Variants in AUTS2 observed in about 807,000 individuals in gnomAD.
AUTS2 encodes the protein autism susceptibility gene 2 protein.
Under a neutral mutation model 112.4 loss-of-function variants are expected in AUTS2, and 17 were observed. That is an observed-to-expected ratio of 0.15 (90% CI 0.10 to 0.23). The LOEUF (loss-of-function observed/expected upper bound fraction) is 0.23. AUTS2 is among the 10% of genes least tolerant of loss of function. AUTS2 has a pLI of 1.00. For synonymous variants in AUTS2, 751 were observed against 702.7 expected (o/e 1.07, Z -1.09); for missense variants, 1,510 against 1,701.6 (o/e 0.89, Z 1.98).
intron 2 of AUTS2, among the ~76,000 whole-genome samples, chr7:70,018,587 G>C (rs752544623): frequency 6.6e-6 from 1 of 152,074 alleles, no homozygotes; most frequent in African/African-American, 2.4e-5. Context: ...AAGAGATCCC[G>C]GTTATACAAC....
intron 1 of AUTS2, among the ~76,000 whole-genome samples, chr7:69,708,396 G>A (rs1798161644): frequency 6.6e-6 from 1 of 152,196 alleles, no homozygotes; most frequent in African/African-American, 2.4e-5. Context: ...CTGATGGTGG[G>A]ATTATGATGT....
At chr7:70,526,500 C>T (rs1319791999) in intron 5 of AUTS2, among the ~76,000 whole-genome samples, 1 of 152,068 alleles carries the variant, frequency 6.6e-6, no homozygotes, top group Non-Finnish European at 1.5e-5. Flanking sequence ...GGTGAAACCC[C>T]ATCTCTACTA....
At chr7:70,089,662 C>T (rs1803805448) in intron 2 of AUTS2, among the ~76,000 whole-genome samples, 1 of 151,702 alleles carries the variant, frequency 6.6e-6, no homozygotes, top group Non-Finnish European at 1.5e-5. Context: ...TCCTATGTTC[C>T]TCTGTATTCT....
At chr7:70,318,814 C>T (rs572808246) in intron 4 of AUTS2, among the ~76,000 whole-genome samples, 1 of 152,300 alleles carries the variant, frequency 6.6e-6, no homozygotes, top group East Asian at 1.9e-4. Context: ...CTCATTACAA[C>T]ATTTTACTAC....
intron 1 of AUTS2, among the ~76,000 whole-genome samples, chr7:69,813,069 A>G (rs984201106): frequency 6.6e-6 from 1 of 152,190 alleles, no homozygotes; most frequent in Non-Finnish European, 1.5e-5. Context: ...CCTACAAGAC[A>G]CTGCACGGTC....
intron 4 of AUTS2, among the ~76,000 whole-genome samples, chr7:70,329,521 A>G (rs1790648665): frequency 6.6e-6 from 1 of 151,752 alleles, no homozygotes. Flanking sequence ...CATTTTCTTG[A>G]CCAATGATGT....
chr7:70,526,265 G>T (rs1009049519), intron 5 of AUTS2, among the ~76,000 whole-genome samples: 3 of 152,174 alleles, frequency 2.0e-5, no homozygotes, highest in African/African-American at 7.2e-5. Flanking sequence ...ACAGATCTCT[G>T]CTCACTGTTG....
chr7:69,781,080 G>A (rs1415030217), intron 1 of AUTS2, among the ~76,000 whole-genome samples: 2 of 152,190 alleles, frequency 1.3e-5, no homozygotes, highest in African/African-American at 4.8e-5. Context: ...TTCACAGTTA[G>A]CAGTGATGCT....
chr7:70,375,819 T>C (rs532281153), intron 4 of AUTS2, among the ~76,000 whole-genome samples: 1 of 152,262 alleles, frequency 6.6e-6, no homozygotes, highest in South Asian at 2.1e-4. Context: ...AACTTGTGCC[T>C]ACCTAAGTCT....
intron 4 of AUTS2, among the ~76,000 whole-genome samples, chr7:70,393,508 A>G (rs1354488634): frequency 6.6e-6 from 1 of 151,862 alleles, no homozygotes; most frequent in Non-Finnish European, 1.5e-5. Context: ...TCTGAACCAA[A>G]GAGAGAGCCT....
chr7:69,770,549 G>A (rs537857347), intron 1 of AUTS2, among the ~76,000 whole-genome samples: 1 of 152,108 alleles, frequency 6.6e-6, no homozygotes, highest in African/African-American at 2.4e-5. Context: ...GAGCTACATG[G>A]CATGTAGAGT....
chr7:70,487,785 A>G (rs891779578), intron 5 of AUTS2, among the ~76,000 whole-genome samples: 2 of 152,166 alleles, frequency 1.3e-5, no homozygotes, highest in Admixed American at 6.5e-5. Context: ...ATTCAAGGAG[A>G]GTAGCTAAGG....
intron 4 of AUTS2, among the ~76,000 whole-genome samples, chr7:70,142,348 G>C (rs1295149789): frequency 6.6e-6 from 1 of 152,116 alleles, no homozygotes; most frequent in Non-Finnish European, 1.5e-5. Flanking sequence ...CAAAATTTAT[G>C]ATTCCAGCTG....
At chr7:70,502,175 A>G (rs1798794902) in intron 5 of AUTS2, among the ~76,000 whole-genome samples, 1 of 152,150 alleles carries the variant, frequency 6.6e-6, no homozygotes, top group African/African-American at 2.4e-5. Flanking sequence ...TGACAGTTCC[A>G]GTTTCTAGGA....
chr7:69,836,337 C>T (rs1791722826), intron 1 of AUTS2, among the ~76,000 whole-genome samples: 1 of 152,130 alleles, frequency 6.6e-6, no homozygotes, highest in African/African-American at 2.4e-5. Flanking sequence ...ACTGGCCACA[C>T]CTCTGAAGCA....
intron 1 of AUTS2, among the ~76,000 whole-genome samples, chr7:69,639,937 C>A (rs369690001): frequency 6.6e-6 from 1 of 152,164 alleles, no homozygotes; most frequent in African/African-American, 2.4e-5. Context: ...TCTTAGAGAT[C>A]TGGGAGTCTT....
At chr7:70,171,376 A>C (rs1413717300) in intron 4 of AUTS2, among the ~76,000 whole-genome samples, 7 of 152,178 alleles carry the variant, frequency 4.6e-5, no homozygotes, top group African/African-American at 1.7e-4. Flanking sequence ...GTATGTGAGG[A>C]AGATGGGAGC....
At position 70,708,833 on chromosome 7, in the gene AUTS2, G is replaced by T. The variant is rs1263682736; in HGVS notation, c.742+10213G>T. 2.0e-5 allele frequency among the ~76,000 whole-genome samples: 3 copies of T among 151,994 alleles called. No individual in the cohort carries two copies. In the East Asian group the frequency reaches 5.8e-4, roughly 29 times the overall value. ...AATTAAGCTATTGCAAAGGTTTTTG[G>T]CAGTGCCATAAAGATCTGTACATCA... On this transcript the variant is annotated intron_variant, in intron 6 of 18. Coordinates refer to ENST00000342771, the MANE Select transcript of AUTS2 (RefSeq NM_015570.4).
chr7:70,058,455 C>A (rs1303058040), intron 2 of AUTS2, among the ~76,000 whole-genome samples: 1 of 152,066 alleles, frequency 6.6e-6, no homozygotes, highest in Admixed American at 6.6e-5. Flanking sequence ...CTACGCATAG[C>A]ATTATTTCAA....
Sources: allele counts gnomAD v4.1 joint callset (sites outside exome capture counted in the v4.1 genomes callset), GRCh38; gene constraint gnomAD v4.1.1; transcripts MANE v1.5; gene names NCBI Gene and HGNC (gene_info 2026-07-23, HGNC 2026-07-21).